KIAA0825: variants seen among roughly 807,000 people sequenced by gnomAD.
KIAA0825 encodes KIAA0825.
KIAA0825 carries 119 observed loss-of-function variants against 147.6 expected under a neutral mutation model. The ratio of observed to expected loss-of-function variants is 0.81; its 90% CI spans 0.69 to 0.94. The LOEUF (loss-of-function observed/expected upper bound fraction) is 0.94. Ranked by LOEUF, KIAA0825 falls within the 40% of genes least tolerant of loss-of-function variation. The pLI, the probability that KIAA0825 is intolerant of heterozygous loss-of-function variation, is 0.00. For synonymous variants in KIAA0825, 470 were observed against 518.1 expected, an observed-to-expected ratio of 0.91 and a Z score of 1.26; for missense variants, 1,381 against 1,472.7, an observed-to-expected ratio of 0.94 and a Z score of 1.02.
intron 20 of KIAA0825, among the ~76,000 whole-genome samples, chr5:94,357,212 C>A (rs2150388761): frequency 1.3e-5 from 2 of 151,494 alleles, no homozygotes; most frequent in South Asian, 4.2e-4. Context: ...TGAATGAAAT[C>A]CTTCTGAGTG....
At chr5:94,391,044 G>A (rs1749826252) in intron 18 of KIAA0825, among the ~76,000 whole-genome samples, 1 of 152,208 alleles carries the variant, frequency 6.6e-6, no homozygotes, top group South Asian at 2.1e-4. Context: ...TTCAACCAGT[G>A]TCTGTGTATT....
At chr5:94,257,075 T>C (rs1200300938) in intron 20 of KIAA0825, among the ~76,000 whole-genome samples, 1 of 152,124 alleles carries the variant, frequency 6.6e-6, no homozygotes. Context: ...ACTAAAAAAT[T>C]TACACCAATT....
At chr5:94,460,307 A>C (rs1759653804) in intron 12 of KIAA0825, among the ~76,000 whole-genome samples, 1 of 152,120 alleles carries the variant, frequency 6.6e-6, no homozygotes, top group Non-Finnish European at 1.5e-5. Flanking sequence ...CTTTTACAAC[A>C]TTCTAACAGA....
chr5:94,511,892 C>T (rs892151352), intron 5 of KIAA0825, among the ~76,000 whole-genome samples: 41 of 149,328 alleles, frequency 2.7e-4, no homozygotes, highest in African/African-American at 8.4e-4. Context: ...GGGAGGCTGA[C>T]GCAGGAGAAT....
At chr5:94,191,459 A>G (rs191081010) in intron 20 of KIAA0825, among the ~76,000 whole-genome samples, 2 of 152,362 alleles carry the variant, frequency 1.3e-5, no homozygotes, top group African/African-American at 4.8e-5. Context: ...GGTAAATTAT[A>G]AAAGTATGCA....
At chr5:94,315,971 G>A (rs1779619247) in intron 20 of KIAA0825, among the ~76,000 whole-genome samples, 1 of 151,592 alleles carries the variant, frequency 6.6e-6, no homozygotes, top group Non-Finnish European at 1.5e-5. Context: ...TTTGAGTTAA[G>A]CCAGTCACAA....
At chr5:94,396,011 G>T in intron 17 of KIAA0825, 90 bp downstream of exon 17, 1 of 1,188,978 alleles carries the variant, frequency 8.4e-7, no homozygotes, top group Non-Finnish European at 1.1e-6. Context: ...TACTACTGCT[G>T]CCCATCTGAC....
chr5:94,561,744 C>G (rs949933631), intron 2 of KIAA0825, among the ~76,000 whole-genome samples: 2 of 152,158 alleles, frequency 1.3e-5, no homozygotes, highest in Non-Finnish European at 2.9e-5. Context: ...AATTCCTATT[C>G]CAATTAAATA....
chr5:94,175,657 A>G (rs1414611234), intron 20 of KIAA0825, among the ~76,000 whole-genome samples: 2 of 152,164 alleles, frequency 1.3e-5, no homozygotes, highest in Non-Finnish European at 2.9e-5. Context: ...GTAACAGTTG[A>G]CTAATGTTAA....
chr5:94,386,227 C>CCATTTAAT lies in KIAA0825; in HGVS notation c.3619+7_3619+14dup. 1 of 1,524,668 alleles carries CCATTTAAT rather than the reference C, an allele frequency of 6.6e-7. No homozygotes were observed. Among genetic ancestry groups the CCATTTAAT allele is most frequent in the Non-Finnish European group, 8.8e-7 (1 of 1,134,448 alleles). 94.4% of individuals were successfully genotyped at this position (1,524,668 alleles called of 1,614,324 possible). On this transcript the variant is annotated intron_variant, in intron 19 of 20. Transcript: ENST00000682413. ...AAACCACACATTTAAATTAAATTTA[C>CCATTTAAT]CATTTAATTTCCACATACCTGATCT... is the stretch of plus-strand genomic sequence containing the variant.
At position 94,259,604 on chromosome 5, in the gene KIAA0825, A is replaced by G. The variant is rs531494861; in HGVS notation, c.3711-105480T>C. Among the ~76,000 whole-genome samples the G allele has an allele frequency of 3.9e-5, 6 of 152,164 alleles. No homozygotes were observed. In the East Asian group the frequency reaches 9.7e-4, roughly 25 times the overall value. On this transcript the variant is annotated intron_variant, in intron 20 of 20. Transcript: ENST00000682413. ...GACTCAATGTTTTAGACTCCTGAGA[A>G]TGACTTTTTTATAGTTTCCATTATA...
chr5:94,181,032 T>G (rs1225097876), intron 20 of KIAA0825, among the ~76,000 whole-genome samples: 1 of 152,158 alleles, frequency 6.6e-6, no homozygotes, highest in African/African-American at 2.4e-5. Context: ...AGTTGTGAGT[T>G]TTTACCATTT....
intron 20 of KIAA0825, among the ~76,000 whole-genome samples, chr5:94,374,956 T>A (rs1363921261): frequency 1.3e-5 from 2 of 152,098 alleles, no homozygotes; most frequent in Non-Finnish European, 2.9e-5. Flanking sequence ...CTTTCTACCT[T>A]AAGAATATCT....
intron 3 of KIAA0825, among the ~76,000 whole-genome samples, chr5:94,531,147 C>T (rs1286255585): frequency 1.3e-5 from 2 of 152,128 alleles, no homozygotes; most frequent in Non-Finnish European, 2.9e-5. Context: ...AACTCAAACA[C>T]TTGAAATGTC....
chr5:94,247,684 G>A (rs1775702570), intron 20 of KIAA0825, among the ~76,000 whole-genome samples: 1 of 152,050 alleles, frequency 6.6e-6, no homozygotes, highest in African/African-American at 2.4e-5. Flanking sequence ...TCATTCACTC[G>A]AAGAATATTT....
intron 13 of KIAA0825, among the ~76,000 whole-genome samples, chr5:94,451,479 C>T (rs921898918): frequency 6.6e-6 from 1 of 152,116 alleles, no homozygotes; most frequent in Non-Finnish European, 1.5e-5. Flanking sequence ...CATGAATTTG[C>T]ATAAAATTTC....
chr5:94,336,642 T>G (rs2150312368), intron 20 of KIAA0825, among the ~76,000 whole-genome samples: 1 of 152,308 alleles, frequency 6.6e-6, no homozygotes, highest in South Asian at 2.1e-4. Flanking sequence ...GTGCCACATT[T>G]TCTTTATCTA....
chr5:94,609,509 A>ATAAAAGAGG (rs1446786131), intron 1 of KIAA0825, among the ~76,000 whole-genome samples: 1 of 152,166 alleles, frequency 6.6e-6, no homozygotes, highest in African/African-American at 2.4e-5. Context: ...TTTTAAGAGT[A>ATAAAAGAGG]TAAAAGAGGT....
chr5:94,193,334 G>A (rs1179796857), intron 20 of KIAA0825, among the ~76,000 whole-genome samples: 1 of 152,080 alleles, frequency 6.6e-6, no homozygotes, highest in Non-Finnish European at 1.5e-5. Context: ...AATAATAATG[G>A]CTGTTAATTA....
Sources: allele counts gnomAD v4.1 joint callset (sites outside exome capture counted in the v4.1 genomes callset), GRCh38; gene constraint gnomAD v4.1.1; transcripts MANE v1.5; gene names NCBI Gene and HGNC (gene_info 2026-07-23, HGNC 2026-07-21).